The following SLC46A2 variants were observed in gnomAD, a reference collection of about 807,000 sequenced individuals.
The protein encoded by SLC46A2 is thymic stromal co-transporter.
A neutral mutation model predicts 33.1 loss-of-function variants in SLC46A2; 25 were observed. That is an observed-to-expected ratio of 0.76 (90% CI 0.55 to 1.06). The LOEUF (loss-of-function observed/expected upper bound fraction) is 1.06. Among genes scored for constraint, SLC46A2 ranks in the 50% least tolerant of loss-of-function variants. The pLI is 0.00. For missense variants in SLC46A2, 622 were observed against 621.7 expected (o/e 1.00, Z 0.00); for synonymous variants, 254 against 275.9 (o/e 0.92, Z 0.79).
chr9:112,890,545 G>C lies in SLC46A2; in HGVS notation c.137C>G (p.Ala46Gly), dbSNP rs759091413. 4 of 1,613,670 alleles carry C rather than the reference G, an allele frequency of 2.5e-6. No individual in the cohort carries two copies. The Admixed American group carries it at 5.0e-5, about 20-fold the overall frequency. Residue 46 changes from alanine (A) to glycine (G), a missense_variant, in exon 1 of 4, where the codon GCG becomes GGG. By Grantham distance (60) the Ala-to-Gly change is moderately conservative. Transcript: ENST00000374228. This position sits in a 1 kb window ranked among gnomAD's most constrained non-coding sequence, Gnocchi z 6.0. ...YDAGLLLVVK[A>G]SYGTGGSSNH... ...GGAGGAGCCTCCGGTTCCGTAGGAC[G>C]CCTTCACCACGAGGAGTAGCCCCGC...
chr9:112,881,653 A>G (rs904536072), intron 3 of SLC46A2: 1 of 152,212 alleles, frequency 6.6e-6, no homozygotes, highest in African/African-American at 2.4e-5. Flanking sequence ...GCATGCATTC[A>G]TTAAACGAAT....
intron 3 of SLC46A2, among the ~76,000 whole-genome samples, chr9:112,884,416 C>G (rs1179662770): frequency 6.6e-6 from 1 of 152,192 alleles, no homozygotes; most frequent in Non-Finnish European, 1.5e-5. Context: ...CAGCCTTGGC[C>G]CCTCCTAGCT....
At chr9:112,888,663 A>C (rs909299699) in intron 1 of SLC46A2, among the ~76,000 whole-genome samples, 1 of 152,180 alleles carries the variant, frequency 6.6e-6, no homozygotes, top group Non-Finnish European at 1.5e-5. Context: ...GTTCTATTGG[A>C]GCATTCATCT....
chr9:112,880,956 C>A (rs1201825867), intron 3 of SLC46A2, among the ~76,000 whole-genome samples: 3 of 152,108 alleles, frequency 2.0e-5, no homozygotes, highest in Non-Finnish European at 2.9e-5. Flanking sequence ...TTTCTTTTTC[C>A]TGGAATCTCT....
Position 112,886,570 on chromosome 9 carries a change from C to T in SLC46A2, c.1260G>A (p.Val420=), listed in dbSNP as rs1841645225. 6.2e-7 allele frequency: 1 copy of T among 1,614,004 alleles called. No homozygotes were observed. Residue 420 remains valine (V), a synonymous_variant, in exon 3 of 4, where the codon GTG becomes GTA. Transcript: ENST00000374228. ...TCTTGTTGTACAAGGTGGATGTCAC[C>T]ACGCCGGTCAGAGCCAAGGACAGCT... The part of the protein sequence containing the change: ...ILQLSLALTG[V]VTSTLYNKIY...
At chr9:112,889,458 C>CTGAG (rs1281640276) in intron 1 of SLC46A2, 95 bp downstream of exon 1, 1 of 1,376,532 alleles carries the variant, frequency 7.3e-7, no homozygotes, top group Non-Finnish European at 9.9e-7. Context: ...ATCCCTGGTG[C>CTGAG]TGAGCTAGGA....
intron 1 of SLC46A2, among the ~76,000 whole-genome samples, chr9:112,887,977 GAGACAGAT>G (rs1841667269): frequency 6.6e-6 from 1 of 151,634 alleles, no homozygotes; most frequent in African/African-American, 2.4e-5. Context: ...ACGCACAAGA[GAGACAGAT>G]AGAGACAGAC....
intron 3 of SLC46A2, among the ~76,000 whole-genome samples, chr9:112,883,761 G>A (rs1453873832): frequency 1.4e-5 from 2 of 148,098 alleles, no homozygotes; most frequent in African/African-American, 2.5e-5. Context: ...GCAGTGGCAC[G>A]ATCTCAGCTC....
At chr9:112,883,940 C>T (rs1019859239) in intron 3 of SLC46A2, among the ~76,000 whole-genome samples, 1 of 152,206 alleles carries the variant, frequency 6.6e-6, no homozygotes, top group Non-Finnish European at 1.5e-5. Flanking sequence ...TATGATCCAT[C>T]CGCCTTGGCC....
At chr9:112,885,389 A>G (rs547234465) in intron 3 of SLC46A2, 34 of 151,816 alleles carry the variant, frequency 2.2e-4, no homozygotes, top group African/African-American at 8.0e-4. Flanking sequence ...ATGCAAATCT[A>G]TATCAAATCC....
intron 1 of SLC46A2, 58 bp downstream of exon 1, chr9:112,889,495 C>T: frequency 6.6e-7 from 1 of 1,521,798 alleles, no homozygotes; most frequent in Non-Finnish European, 8.9e-7. Context: ...TCCCTGGTGT[C>T]AGCCCCATGA....
Position 112,889,646 on chromosome 9 carries a change from G to T in SLC46A2, c.1036C>A (p.Arg346=). The change falls in exon 1 of 4, where the codon CGG becomes AGG. Residue 346 remains arginine (R), a synonymous_variant. Coordinates refer to ENST00000374228, the MANE Select transcript of SLC46A2 (RefSeq NM_033051.4). The part of the protein sequence containing the change: ...LGVLVFSRCF[R]DTTMIMIGMV... ...CCAATCATGATCATGGTGGTGTCCCGAAAGCAGCGGGAGAAGACCAGGACA... is the reference window on the plus strand; with the variant it reads ...CCAATCATGATCATGGTGGTGTCCCTAAAGCAGCGGGAGAAGACCAGGACA... 6.2e-7 allele frequency: 1 copy of T among 1,614,080 alleles called. No homozygotes were observed. Among genetic ancestry groups the T allele is most frequent in the Non-Finnish European group, 8.5e-7 (1 of 1,179,990 alleles).
chr9:112,889,877 G>T lies in SLC46A2; in HGVS notation c.805C>A (p.His269Asn). 6.2e-7 allele frequency: 1 copy of T among 1,614,246 alleles called. No individual in the cohort carries two copies. Among genetic ancestry groups the T allele is most frequent in the Non-Finnish European group, 8.5e-7 (1 of 1,180,034 alleles). ...TTTGCTTTTCCAGGAGATGGAGGGT[G>T]CCCCACTGCATACTGTTGGTCCAAC... ...DQLDQQYAVG[H>N]PPSPGKAKPH... Residue 269 changes from histidine to asparagine, a missense_variant, in exon 1 of 4, where the codon CAC becomes AAC. By Grantham distance (68) the His-to-Asn change is moderately conservative (BLOSUM62 1). Transcript: ENST00000374228.
Position 112,890,123 on chromosome 9 carries a change from C to T in SLC46A2, c.559G>A (p.Gly187Arg), listed in dbSNP as rs1475288635. The change falls in exon 1 of 4, where the codon GGG (glycine) becomes AGG (arginine). Residue 187 changes from glycine to arginine, a missense_variant. Physicochemically the swap from Gly to Arg is moderately radical, Grantham distance 125. Coordinates refer to ENST00000374228, the MANE Select transcript of SLC46A2 (RefSeq NM_033051.4). This position sits in a 1 kb window ranked among gnomAD's most constrained non-coding sequence, Gnocchi z 6.0. Reference protein sequence around the residue: ...DLMLGLAGFCGSMASGHLFKQ... With the variant: ...DLMLGLAGFCRSMASGHLFKQ... ...AAGAGATGCCCGGAAGCCATGCTCC[C>T]GCAGAACCCCGCCAAGCCCAGCATC... 4 of 1,613,260 alleles carry T rather than the reference C, an allele frequency of 2.5e-6. No individual in the cohort carries two copies. Among genetic ancestry groups the T allele is most frequent in the African/African-American group, 1.3e-5 (1 of 74,944 alleles).
In SLC46A2 at chr9:112,890,361, G is replaced by A; in HGVS notation, c.321C>T (p.Ile107=). 6.2e-7 allele frequency: 1 copy of A among 1,614,090 alleles called. No homozygotes were observed. The highest frequency in any genetic ancestry group is 1.1e-5 in the South Asian group (1 of 91,086). ...GWLSDRYHRK[I]SICMSLLGFL... is the part of the protein sequence containing the mutation. ...AGCCCAGCAGCGACATGCAGATGGA[G>A]ATCTTTCGGTGGTAGCGGTCGCTGA... is the stretch of plus-strand genomic sequence containing the variant. Residue 107 remains isoleucine (I), a synonymous_variant, in exon 1 of 4, where the codon ATC becomes ATT. Transcript: ENST00000374228. This position sits in a 1 kb window ranked among gnomAD's most constrained non-coding sequence, Gnocchi z 6.0.
rs1841552877 is a variant in SLC46A2, at chr9:112,879,587, T to C, written c.*175A>G. 3.5e-6 allele frequency: 2 copies of C among 573,468 alleles called. No homozygotes were observed. The highest frequency in any genetic ancestry group is 3.7e-5 in the African/African-American group (2 of 53,762). The allele number at this position is 573,468 out of a possible 1,614,324, so 35.5% of individuals were successfully genotyped here. On this transcript the variant is annotated 3_prime_UTR_variant, in exon 4 of 4. Coordinates refer to ENST00000374228, the MANE Select transcript of SLC46A2 (RefSeq NM_033051.4). The stretch of plus-strand genomic sequence containing the variant: ...TTTTTCCATCACCAGGAAAGTGCTT[T>C]TCCCCATCCACCAGGGATCCCTGAG...
At chr9:112,881,138 C>G (rs114163076) in intron 3 of SLC46A2, among the ~76,000 whole-genome samples, 1 of 152,320 alleles carries the variant, frequency 6.6e-6, no homozygotes, top group African/African-American at 2.4e-5. Flanking sequence ...GCAATTAGGT[C>G]TGAACTGAAG....
Position 112,890,108 on chromosome 9 carries a change from C to G in SLC46A2, c.574G>C (p.Gly192Arg), listed in dbSNP as rs1587861973. 6.2e-7 allele frequency: 1 copy of G among 1,613,388 alleles called. No individual in the cohort carries two copies. Among genetic ancestry groups the G allele is most frequent in the Non-Finnish European group, 8.5e-7 (1 of 1,179,902 alleles). ...CCAGCCATCTGCTTGAAGAGATGCCCGGAAGCCATGCTCCCGCAGAACCCC... is the reference window on the plus strand; with the variant it reads ...CCAGCCATCTGCTTGAAGAGATGCCGGGAAGCCATGCTCCCGCAGAACCCC... ...LAGFCGSMAS[G>R]HLFKQMAGHS... The change falls in exon 1 of 4, where the codon GGG becomes CGG. Residue 192 changes from glycine (G) to arginine (R), a missense_variant. Coordinates refer to ENST00000374228, the MANE Select transcript of SLC46A2 (RefSeq NM_033051.4). The surrounding 1 kb of genome is among the most constrained non-coding windows in gnomAD (Gnocchi z 6.0).
chr9:112,879,682 C>A lies in SLC46A2; in HGVS notation c.*80G>T. 1.5e-6 allele frequency: 2 copies of A among 1,360,972 alleles called. No individual in the cohort carries two copies. Among genetic ancestry groups the A allele is most frequent in the South Asian group, 1.2e-5 (1 of 82,148 alleles). The allele number at this position is 1,360,972 out of a possible 1,614,324, so 84.3% of individuals were successfully genotyped here. ...TTCTTAAGCAGTGGGTTGCTTAGGTCACCAGTTCCCTGGTCCCTTCTTTTG... is the reference window on the plus strand; with the variant it reads ...TTCTTAAGCAGTGGGTTGCTTAGGTAACCAGTTCCCTGGTCCCTTCTTTTG... On this transcript the variant is annotated 3_prime_UTR_variant, in exon 4 of 4. Transcript: ENST00000374228.
Sources: allele counts gnomAD v4.1 joint callset (sites outside exome capture counted in the v4.1 genomes callset), GRCh38; gene constraint gnomAD v4.1.1; non-coding constraint Gnocchi (gnomAD v3.1); transcripts MANE v1.5; gene names NCBI Gene and HGNC (gene_info 2026-07-23, HGNC 2026-07-21).